Variants in KIF6 observed in about 807,000 individuals in gnomAD.
The protein encoded by KIF6 is kinesin family member 6.
KIF6 carries 106 observed loss-of-function variants against 112.7 expected under a neutral mutation model. That is an observed-to-expected ratio of 0.94 (90% confidence interval 0.80 to 1.11). KIF6 has a LOEUF of 1.11. Among genes scored for constraint, KIF6 ranks in the 50% least tolerant of loss-of-function variants. The pLI is 0.00. For synonymous variants in KIF6, 339 were observed against 339.9 expected, an observed-to-expected ratio of 1.00 and a Z score of 0.03; for missense variants, 929 against 964.0, an observed-to-expected ratio of 0.96 and a Z score of 0.48.
At chr6:39,689,808 T>C (rs1370861698) in intron 3 of KIF6, among the ~76,000 whole-genome samples, 1 of 152,168 alleles carries the variant, frequency 6.6e-6, no homozygotes. Flanking sequence ...TCTTGCTATG[T>C]TGCCCAGGCT....
intron 3 of KIF6, among the ~76,000 whole-genome samples, chr6:39,680,209 T>C (rs6935745): frequency 1.1e-3 from 160 of 151,350 alleles, no homozygotes; most frequent in African/African-American, 3.6e-3. Context: ...AGTTTCGCCA[T>C]GTTGGCCAGG....
chr6:39,558,243 A>G (rs1203941185), intron 10 of KIF6, among the ~76,000 whole-genome samples: 2 of 152,128 alleles, frequency 1.3e-5, no homozygotes, highest in Non-Finnish European at 2.9e-5. Flanking sequence ...ATTTGTTGAT[A>G]TGATCTAATT....
chr6:39,449,088 T>G (rs536080832), intron 13 of KIF6, among the ~76,000 whole-genome samples: 10 of 152,352 alleles, frequency 6.6e-5, no homozygotes, highest in Non-Finnish European at 1.5e-4. Context: ...CTTTGTCTCT[T>G]TTTTAGCCTA....
chr6:39,684,109 A>G (rs1434585009), intron 3 of KIF6, among the ~76,000 whole-genome samples: 1 of 152,190 alleles, frequency 6.6e-6, no homozygotes, highest in Non-Finnish European at 1.5e-5. Flanking sequence ...ATCTAGGGGT[A>G]TGGTAGCTGA....
chr6:39,716,709 T>G (rs922273068), intron 2 of KIF6, among the ~76,000 whole-genome samples: 12 of 152,164 alleles, frequency 7.9e-5, no homozygotes, highest in African/African-American at 2.9e-4. Context: ...TAACTTAGGT[T>G]TCCTGATTCT....
chr6:39,614,409 G>C (rs989268799), intron 5 of KIF6, among the ~76,000 whole-genome samples: 1 of 152,148 alleles, frequency 6.6e-6, no homozygotes, highest in South Asian at 2.1e-4. Context: ...ATGGACATGT[G>C]TAATTTTCTT....
chr6:39,484,272 T>C (rs1306065283), intron 13 of KIF6, among the ~76,000 whole-genome samples: 1 of 152,224 alleles, frequency 6.6e-6, no homozygotes, highest in Non-Finnish European at 1.5e-5. Context: ...CAAATATTTA[T>C]TGAGTAGCTT....
intron 15 of KIF6, among the ~76,000 whole-genome samples, chr6:39,413,097 G>A (rs1421536859): frequency 6.6e-6 from 1 of 152,066 alleles, no homozygotes; most frequent in Non-Finnish European, 1.5e-5. Context: ...AGCAGTGTGG[G>A]TTCTGAGTGG....
chr6:39,640,900 T>C (rs974892133), intron 3 of KIF6, among the ~76,000 whole-genome samples: 1 of 152,164 alleles, frequency 6.6e-6, no homozygotes, highest in Admixed American at 6.6e-5. Context: ...GTGTTGTTGG[T>C]GCTTACAAAT....
chr6:39,631,648 T>C (rs1355851663), intron 5 of KIF6, among the ~76,000 whole-genome samples: 1 of 152,208 alleles, frequency 6.6e-6, no homozygotes, highest in East Asian at 1.9e-4. Context: ...TGGATTCAAT[T>C]GTCAATATTT....
chr6:39,596,167 T>C lies in KIF6; in HGVS notation c.733A>G (p.Lys245Glu), dbSNP rs375645276. The change falls in exon 7 of 23, where the codon AAA (lysine) becomes GAA (glutamate). Residue 245 changes from lysine to glutamate, a missense_variant. Physicochemically the swap from Lys to Glu is moderately conservative, Grantham distance 56. Transcript: ENST00000287152. ...CCAGCCAGGTCAACCAGATGGAGTT[T>C]GGCATGTCGTACAGTTGCAGATCCT... is the stretch of plus-strand genomic sequence containing the variant. Reference protein sequence around the residue: ...EPGSATVRHAKLHLVDLAGSE... With the variant: ...EPGSATVRHAELHLVDLAGSE... 3 of 1,614,056 alleles carry C rather than the reference T, an allele frequency of 1.9e-6. No homozygotes were observed. Among genetic ancestry groups the C allele is most frequent in the Non-Finnish European group, 2.5e-6 (3 of 1,179,968 alleles).
At chr6:39,638,949 G>A (rs1784765520) in intron 4 of KIF6, among the ~76,000 whole-genome samples, 1 of 152,018 alleles carries the variant, frequency 6.6e-6, no homozygotes, top group Admixed American at 6.6e-5. Context: ...TAGACATCAG[G>A]TGGACTTGGG....
At chr6:39,522,334 A>T (rs1415016136) in intron 13 of KIF6, among the ~76,000 whole-genome samples, 2 of 152,182 alleles carry the variant, frequency 1.3e-5, no homozygotes, top group African/African-American at 4.8e-5. Flanking sequence ...TGCCCTGTGT[A>T]TATTGGATCA....
chr6:39,653,327 T>C (rs1359842242), intron 3 of KIF6, among the ~76,000 whole-genome samples: 1 of 152,180 alleles, frequency 6.6e-6, no homozygotes, highest in East Asian at 1.9e-4. Flanking sequence ...AAAAAATCTG[T>C]ATCACCATTC....
At chr6:39,337,129 C>CTTCT (rs1762979651) in intron 22 of KIF6, among the ~76,000 whole-genome samples, 1 of 93,390 alleles carries the variant, frequency 1.1e-5, no homozygotes, top group Non-Finnish European at 2.1e-5. Flanking sequence ...TCTTTCTTTC[C>CTTCT]TCCTTCCTTC....
At chr6:39,390,634 C>T (rs1402217409) in intron 15 of KIF6, among the ~76,000 whole-genome samples, 2 of 152,058 alleles carry the variant, frequency 1.3e-5, no homozygotes, top group Non-Finnish European at 2.9e-5. Context: ...GAGCTCTGGA[C>T]CCAGATAAAT....
chr6:39,551,776 C>T (rs1388895732), intron 10 of KIF6, among the ~76,000 whole-genome samples: 1 of 152,228 alleles, frequency 6.6e-6, no homozygotes, highest in South Asian at 2.1e-4. Context: ...AGAAATATGG[C>T]AGAATGATTG....
At chr6:39,346,103 C>A (rs1763743548) in intron 20 of KIF6, among the ~76,000 whole-genome samples, 1 of 47,766 alleles carries the variant, frequency 2.1e-5, no homozygotes, top group African/African-American at 1.1e-4. Flanking sequence ...CTCTCCCTCC[C>A]CCCCTCCCTC....
intron 13 of KIF6, among the ~76,000 whole-genome samples, chr6:39,499,756 C>T (rs553970987): frequency 1.3e-5 from 2 of 152,178 alleles, no homozygotes; most frequent in African/African-American, 2.4e-5. Context: ...TAAATCCCCA[C>T]GTCTGTCCTC....
Sources: gnomAD v4.1 joint callset for allele counts (sites outside exome capture counted in the v4.1 genomes callset) on GRCh38, gnomAD v4.1.1 for gene constraint, MANE v1.5 for transcripts, NCBI Gene and HGNC (gene_info 2026-07-23, HGNC 2026-07-21) for gene names.